Variants in CA10 observed in about 807,000 individuals in gnomAD.
CA10 encodes carbonic anhydrase 10 (inactive).
A neutral mutation model predicts 44.2 loss-of-function variants in CA10; 14 were observed. That is an observed-to-expected ratio of 0.32 (90% CI 0.21 to 0.50). The LOEUF is 0.50. Ranked by LOEUF, CA10 falls within the 20% of genes least tolerant of loss-of-function variation. The probability of loss-of-function intolerance (pLI) is 0.99; values close to 1 mark genes in which losing one functional copy is unlikely to be tolerated. For synonymous variants in CA10, 159 were observed against 141.6 expected (o/e 1.12, Z -0.87); for missense variants, 350 against 409.7 (o/e 0.85, Z 1.26).
intron 2 of CA10, among the ~76,000 whole-genome samples, chr17:52,035,414 C>T (rs781469747): frequency 3.3e-5 from 5 of 152,204 alleles, no homozygotes; most frequent in African/African-American, 9.6e-5. Flanking sequence ...AATAAAATCT[C>T]CTGCATTTAC....
At chr17:51,805,030 G>A (rs1907075325) in intron 3 of CA10, among the ~76,000 whole-genome samples, 1 of 152,184 alleles carries the variant, frequency 6.6e-6, no homozygotes. Flanking sequence ...TGAGTCTGAG[G>A]TCTTTCCACA....
chr17:51,987,113 CATCA>C (rs1179356571), intron 2 of CA10, among the ~76,000 whole-genome samples: 2 of 152,144 alleles, frequency 1.3e-5, no homozygotes, highest in African/African-American at 2.4e-5. Flanking sequence ...CCCAAATGCC[CATCA>C]ATCAATGAGT....
At chr17:51,819,723 T>A (rs1456007425) in intron 3 of CA10, among the ~76,000 whole-genome samples, 1 of 152,186 alleles carries the variant, frequency 6.6e-6, no homozygotes, top group East Asian at 1.9e-4. Flanking sequence ...GCAGGTGGGA[T>A]TCTCTTTCCA....
intron 1 of CA10, among the ~76,000 whole-genome samples, chr17:52,153,419 A>C (rs1241353060): frequency 2.0e-5 from 3 of 152,142 alleles, no homozygotes; most frequent in African/African-American, 4.8e-5. Flanking sequence ...TCTATACTGC[A>C]TTGTAATATA....
At chr17:51,969,047 TTTGATAAGAAAGAAAACA>T (rs1464821662) in intron 2 of CA10, among the ~76,000 whole-genome samples, 1 of 152,000 alleles carries the variant, frequency 6.6e-6, no homozygotes, top group Non-Finnish European at 1.5e-5. Context: ...TCCACCGAGC[TTTGATAAGAAAGAAAACA>T]AAAGCCCACA....
intron 2 of CA10, among the ~76,000 whole-genome samples, chr17:52,039,577 C>T (rs1986712752): frequency 6.6e-6 from 1 of 151,976 alleles, no homozygotes; most frequent in Non-Finnish European, 1.5e-5. Context: ...CCTTTAGTTC[C>T]AGATAGACCT....
intron 2 of CA10, among the ~76,000 whole-genome samples, chr17:52,052,298 TTAA>T (rs1567716516): frequency 1.0e-4 from 1 of 9,710 alleles, no homozygotes; most frequent in Non-Finnish European, 2.6e-4. Context: ...GCTTTTTTTT[TTAA>T]AAAAAAAAAA....
rs538534710 is a variant in CA10 at position 51,752,637 on chromosome 17, T to A, written c.280-4819A>T. 4.3e-3 allele frequency among the ~76,000 whole-genome samples: 647 copies of A among 151,952 alleles called. 9 individuals are homozygous for A. Among genetic ancestry groups the A allele is most frequent in the Middle Eastern group, 0.024 (7 of 294 alleles). ...TTGCTCATTTCAGATTAAAAAAAAATACTTTGGGGGGCCAGGTACTTTGGC... is the reference window on the plus strand; with the variant it reads ...TTGCTCATTTCAGATTAAAAAAAAAAACTTTGGGGGGCCAGGTACTTTGGC... On this transcript the variant is annotated intron_variant, in intron 3 of 8. Coordinates refer to ENST00000451037, the MANE Select transcript of CA10 (RefSeq NM_020178.5).
At chr17:52,139,252 C>T (rs536913437) in intron 1 of CA10, among the ~76,000 whole-genome samples, 1 of 152,288 alleles carries the variant, frequency 6.6e-6, no homozygotes, top group East Asian at 1.9e-4. Flanking sequence ...AGCATGGATG[C>T]ACCCCTCAGT....
chr17:51,987,084 T>A (rs1398187451), intron 2 of CA10, among the ~76,000 whole-genome samples: 1 of 152,050 alleles, frequency 6.6e-6, no homozygotes, highest in East Asian at 1.9e-4. Context: ...AATTAGCAAC[T>A]GGAGAAATGT....
At chr17:51,638,863 G>T (rs565684104) in intron 6 of CA10, among the ~76,000 whole-genome samples, 1 of 152,134 alleles carries the variant, frequency 6.6e-6, no homozygotes, top group Non-Finnish European at 1.5e-5. Flanking sequence ...CGGGTAGGGT[G>T]TCAAGGCCAC....
At chr17:51,652,444 A>G (rs554429449) in intron 5 of CA10, among the ~76,000 whole-genome samples, 2 of 152,366 alleles carry the variant, frequency 1.3e-5, no homozygotes, top group Admixed American at 1.3e-4. Flanking sequence ...AAAGCCTAAA[A>G]ATATGCTTCC....
chr17:51,758,261 T>C (rs1327624378), intron 3 of CA10, among the ~76,000 whole-genome samples: 2 of 152,196 alleles, frequency 1.3e-5, no homozygotes, highest in Admixed American at 6.5e-5. Context: ...ATTAAAAGCA[T>C]TGAATCTGTT....
chr17:52,147,340 A>G (rs1567748491), intron 1 of CA10, among the ~76,000 whole-genome samples: 1 of 152,198 alleles, frequency 6.6e-6, no homozygotes, highest in African/African-American at 2.4e-5. Flanking sequence ...AAGAAAGAAC[A>G]TCTGAGTTGG....
chr17:52,103,639 A>G (rs1042671848), intron 1 of CA10, among the ~76,000 whole-genome samples: 8 of 152,206 alleles, frequency 5.3e-5, no homozygotes, highest in African/African-American at 1.7e-4. Context: ...TGCTGCAGCT[A>G]GGATGAACTA....
intron 3 of CA10, among the ~76,000 whole-genome samples, chr17:51,900,947 C>T (rs979297499): frequency 6.6e-6 from 1 of 152,098 alleles, no homozygotes; most frequent in African/African-American, 2.4e-5. Context: ...TGGATTGGGT[C>T]TCAACTTTCT....
chr17:52,071,060 G>A (rs371854348), intron 2 of CA10, among the ~76,000 whole-genome samples: 3 of 151,968 alleles, frequency 2.0e-5, no homozygotes, highest in Non-Finnish European at 2.9e-5. Context: ...TCTTTAAAAG[G>A]GACATCCTCA....
At chr17:51,845,537 C>T (rs1165949997) in intron 3 of CA10, among the ~76,000 whole-genome samples, 1 of 152,202 alleles carries the variant, frequency 6.6e-6, no homozygotes, top group Non-Finnish European at 1.5e-5. Context: ...TTGTTTTAAA[C>T]CACTGAGCAT....
intron 2 of CA10, among the ~76,000 whole-genome samples, chr17:52,062,224 T>A (rs955087658): frequency 2.0e-5 from 3 of 151,844 alleles, no homozygotes; most frequent in African/African-American, 4.8e-5. Context: ...CCCACCACCA[T>A]CCCTGGCTAA....
Sources: allele counts gnomAD v4.1 joint callset (sites outside exome capture counted in the v4.1 genomes callset), GRCh38; gene constraint gnomAD v4.1.1; transcripts MANE v1.5; gene names NCBI Gene and HGNC (gene_info 2026-07-23, HGNC 2026-07-21).